The following ARHGAP23 variants were observed in gnomAD, a reference collection of about 807,000 sequenced individuals.
ARHGAP23 encodes Rho GTPase activating protein 23, also known as rho GTPase-activating protein 23.
In ARHGAP23, 34 loss-of-function variants were observed where a neutral mutation model predicts 136.3. That is an observed-to-expected ratio of 0.25 (90% CI 0.19 to 0.33). ARHGAP23 has a LOEUF of 0.33. ARHGAP23 is among the 10% of genes least tolerant of loss of function. The pLI is 1.00. For missense variants in ARHGAP23, 1,808 were observed against 2,139.0 expected (o/e 0.85, Z 3.05); for synonymous variants, 832 against 920.5 (o/e 0.90, Z 1.74).
chr17:38,488,012 C>T (rs890782200), intron 17 of ARHGAP23, among the ~76,000 whole-genome samples: 36 of 152,094 alleles, frequency 2.4e-4, no homozygotes, highest in Non-Finnish European at 4.0e-4. Context: ...AGTGATCCTC[C>T]CATCTCAGCC....
At chr17:38,501,613 G>A (rs910550475) in intron 23 of ARHGAP23, among the ~76,000 whole-genome samples, 10 of 151,948 alleles carry the variant, frequency 6.6e-5, no homozygotes, top group African/African-American at 2.4e-4. Flanking sequence ...AGACCCCTAA[G>A]TAATTGAATT....
chr17:38,433,322 G>A (rs1466761985), intron 1 of ARHGAP23, among the ~76,000 whole-genome samples: 5 of 151,928 alleles, frequency 3.3e-5, no homozygotes. Context: ...AGGTAGTATT[G>A]GTAAAGTGGC....
At chr17:38,479,976 C>G (rs2039996692) in intron 14 of ARHGAP23, 93 bp downstream of exon 14, 3 of 1,494,556 alleles carry the variant, frequency 2.0e-6, no homozygotes, top group Middle Eastern at 2.4e-4. Context: ...TGTGTCTGCT[C>G]ATGTGTGCCT....
chr17:38,487,808 G>T (rs190737093), intron 17 of ARHGAP23, among the ~76,000 whole-genome samples: 71 of 152,112 alleles, frequency 4.7e-4, no homozygotes, highest in African/African-American at 1.7e-3. Flanking sequence ...AGGTTGCAGT[G>T]AGCCAAGATC....
chr17:38,436,250 G>A (rs2038794862), intron 1 of ARHGAP23, among the ~76,000 whole-genome samples: 1 of 152,166 alleles, frequency 6.6e-6, no homozygotes, highest in Non-Finnish European at 1.5e-5. Flanking sequence ...GGGAGAAACA[G>A]CCCCTCTTCC....
At chr17:38,460,983 T>C in intron 3 of ARHGAP23, 51 bp downstream of exon 3, 2 of 1,531,072 alleles carry the variant, frequency 1.3e-6, no homozygotes, top group Non-Finnish European at 8.7e-7. Context: ...CTCTTCCAGC[T>C]CCTGTCTCTC....
Position 38,428,474 on chromosome 17 carries a change from C to A in ARHGAP23, c.-12C>A, listed in dbSNP as rs1251246009. The A allele has an allele frequency of 7.0e-7, 1 of 1,436,296 alleles. No individual in the cohort carries two copies. The highest frequency in any genetic ancestry group is 9.1e-7 in the Non-Finnish European group (1 of 1,095,678). The allele number at this position is 1,436,296 out of a possible 1,614,324, so 89.0% of individuals were successfully genotyped here. ...AGCCGTGCCCCGGCCGCAGAGCCGC[C>A]GCTGCCACCCGATGAATGGAGTCGC... On this transcript the variant is annotated 5_prime_UTR_variant, in exon 1 of 24. Coordinates refer to ENST00000622683, the MANE Select transcript of ARHGAP23 (RefSeq NM_001199417.2).
rs1055397596 is a variant in ARHGAP23 at position 38,511,030 on chromosome 17, G to A, written c.*58G>A. The A allele has an allele frequency of 7.3e-7, 1 of 1,374,668 alleles. No homozygotes were observed. The highest frequency in any genetic ancestry group is 9.3e-7 in the Non-Finnish European group (1 of 1,071,734). 85.2% of individuals were successfully genotyped at this position (1,374,668 alleles called of 1,614,324 possible). On this transcript the variant is annotated 3_prime_UTR_variant, in exon 24 of 24. Coordinates refer to ENST00000622683, the MANE Select transcript of ARHGAP23 (RefSeq NM_001199417.2). ...CTCCCTAGAGCCCCTTTGGAACCAGGAGGCTTCACCAGCCTGCACCTCCTC... is the reference window on the plus strand; with the variant it reads ...CTCCCTAGAGCCCCTTTGGAACCAGAAGGCTTCACCAGCCTGCACCTCCTC...
At chr17:38,494,081 A>G (rs1262071876) in intron 20 of ARHGAP23, among the ~76,000 whole-genome samples, 1 of 152,156 alleles carries the variant, frequency 6.6e-6, no homozygotes, top group Non-Finnish European at 1.5e-5. Context: ...GATGCTGGGA[A>G]TATCACTCTA....
chr17:38,444,608 A>G (rs2038990640), intron 1 of ARHGAP23, among the ~76,000 whole-genome samples: 1 of 152,088 alleles, frequency 6.6e-6, no homozygotes, highest in South Asian at 2.1e-4. Flanking sequence ...CAAGGACCTG[A>G]TGCGTGCCAG....
rs889384455 is a variant in ARHGAP23 at position 38,466,225 on chromosome 17, G to A, written c.542G>A (p.Ser181Asn). The A allele has an allele frequency of 3.9e-6, 6 of 1,543,592 alleles. No homozygotes were observed. The African/African-American group carries it at 6.9e-5, about 18-fold the overall frequency. The change falls in exon 7 of 24, where the codon AGC (serine) becomes AAC (asparagine). Residue 181 changes from serine (S) to asparagine (N), a missense_variant. Coordinates refer to ENST00000622683, the MANE Select transcript of ARHGAP23 (RefSeq NM_001199417.2). ...GNEPYSGEAR[S>N]IPEPPPICYP... ...GAGCCGTATTCTGGAGAGGCCCGCA[G>A]CATCCCAGAGCCACCCCCGATCTGC...
In ARHGAP23 at chr17:38,466,304, G is replaced by A; in HGVS notation, c.621G>A (p.Met207Ile). Residue 207 changes from methionine (M) to isoleucine (I), a missense_variant, in exon 7 of 24, where the codon ATG (methionine) becomes ATA (isoleucine). Physicochemically the swap from Met to Ile is conservative, Grantham distance 10 (BLOSUM62 1). Coordinates refer to ENST00000622683, the MANE Select transcript of ARHGAP23 (RefSeq NM_001199417.2). ...CCCGGGCCTCCACCAGGGCCACTAT[G>A]GTGCCTGAGCCCACCTCAGCACTGC... ...PPARASTRAT[M>I]VPEPTSALPS... 1 of 1,546,422 alleles carries A rather than the reference G, an allele frequency of 6.5e-7. No homozygotes were observed.
In ARHGAP23 at chr17:38,511,534, GTC is replaced by G. The variant is rs1461591450; in HGVS notation, c.*563_*564del. On this transcript the variant is annotated 3_prime_UTR_variant, in exon 24 of 24. Transcript: ENST00000622683. The stretch of plus-strand genomic sequence containing the variant: ...CTTCTGTCCCCCTATCCCCACCCTG[GTC>G]CCCACTTTGCGCCCCCGGGCTCCCT... The G allele has an allele frequency of 1.3e-5, 2 of 152,332 alleles. No individual in the cohort carries two copies. The highest frequency in any genetic ancestry group is 4.8e-5 in the African/African-American group (2 of 41,352). The allele number at this position is 152,332 out of a possible 1,614,324, so 9.4% of individuals were successfully genotyped here. A position where few individuals can be genotyped will look rare whatever the true frequency, so the allele number is the denominator to read the frequency against.
At chr17:38,495,672 C>G (rs1003657645) in intron 20 of ARHGAP23, among the ~76,000 whole-genome samples, 1 of 152,176 alleles carries the variant, frequency 6.6e-6, no homozygotes, top group African/African-American at 2.4e-5. Context: ...GGCGTATGCT[C>G]AGGCAAGTCC....
Position 38,510,988 on chromosome 17 carries a change from C to G in ARHGAP23, c.*16C>G. 7.8e-6 allele frequency: 11 copies of G among 1,411,822 alleles called. No homozygotes were observed. The highest frequency in any genetic ancestry group is 1.0e-5 in the Non-Finnish European group (11 of 1,096,404). The allele number at this position is 1,411,822 out of a possible 1,614,324, so 87.5% of individuals were successfully genotyped here. On this transcript the variant is annotated 3_prime_UTR_variant, in exon 24 of 24. Transcript: ENST00000622683. This position sits in a 1 kb window ranked among gnomAD's most constrained non-coding sequence, Gnocchi z 4.6. ...GTGTCTGTGATCCCCACCTCCCGCG[C>G]CGCTCGGGCGCCACCCCTCCCTAGA...
chr17:38,501,966 AAT>A, intron 23 of ARHGAP23, among the ~76,000 whole-genome samples: 1 of 151,954 alleles, frequency 6.6e-6, no homozygotes, highest in South Asian at 2.1e-4. Context: ...ATGTTATTTA[AAT>A]AGTTATTTAA....
chr17:38,494,584 C>T (rs1177663069), intron 20 of ARHGAP23, among the ~76,000 whole-genome samples: 4 of 152,006 alleles, frequency 2.6e-5, no homozygotes, highest in Non-Finnish European at 5.9e-5. Flanking sequence ...ACACAAAAAT[C>T]CATTAAAAAA....
intron 2 of ARHGAP23, among the ~76,000 whole-genome samples, chr17:38,458,717 G>A (rs1055349111): frequency 7.9e-5 from 12 of 152,202 alleles, no homozygotes; most frequent in African/African-American, 2.9e-4. Context: ...CCACCTGTGG[G>A]AGCCCTCCCA....
intron 21 of ARHGAP23, 60 bp downstream of exon 21, chr17:38,497,886 T>TG (rs1409968446): frequency 2.0e-6 from 3 of 1,508,594 alleles, no homozygotes; most frequent in Non-Finnish European, 2.7e-6. Flanking sequence ...CCCCAGTCCT[T>TG]GGGGGTGGGG....
Sources: allele counts gnomAD v4.1 joint callset (sites outside exome capture counted in the v4.1 genomes callset), GRCh38; gene constraint gnomAD v4.1.1; non-coding constraint Gnocchi (gnomAD v3.1); transcripts MANE v1.5; gene names NCBI Gene and HGNC (gene_info 2026-07-23, HGNC 2026-07-21).